The following KIF18A variants were observed in gnomAD, a reference collection of about 807,000 sequenced individuals.
KIF18A encodes the protein kinesin family member 18A, also known as kinesin-like protein KIF18A.
In KIF18A, 67 loss-of-function variants were observed where a neutral mutation model predicts 103.3. The observed-to-expected ratio is 0.65, with a 90% confidence interval of 0.53 to 0.79. KIF18A has a LOEUF of 0.79. KIF18A is among the 30% of genes least tolerant of loss of function. KIF18A has a pLI of 0.00. For missense variants in KIF18A, 1,032 were observed against 1,062.5 expected, an observed-to-expected ratio of 0.97 and a Z score of 0.40; for synonymous variants, 367 against 355.5, an observed-to-expected ratio of 1.03 and a Z score of -0.36.
chr11:28,084,500 C>T, intron 7 of KIF18A, 132 bp downstream of exon 7: 1 of 566,344 alleles, frequency 1.8e-6, no homozygotes, highest in East Asian at 3.3e-5. Context: ...AGCAGGTTAG[C>T]AAAGACCCTT....
At chr11:28,034,586 T>C (rs1850457331) in intron 15 of KIF18A, among the ~76,000 whole-genome samples, 1 of 151,754 alleles carries the variant, frequency 6.6e-6, no homozygotes, top group Admixed American at 6.6e-5. Context: ...TAGCAGCTAC[T>C]TTCAGCTAGG....
chr11:28,096,909 A>G (rs1006882776), intron 2 of KIF18A, among the ~76,000 whole-genome samples: 3 of 151,728 alleles, frequency 2.0e-5, no homozygotes, highest in Non-Finnish European at 2.9e-5. Context: ...AAGGAAATCA[A>G]CATGGCTTTC....
At chr11:28,060,358 C>T (rs1002971810) in intron 12 of KIF18A, among the ~76,000 whole-genome samples, 5 of 152,244 alleles carry the variant, frequency 3.3e-5, no homozygotes, top group South Asian at 2.1e-4. Context: ...AAAGACTAAT[C>T]GGGCATTCAC....
intron 9 of KIF18A, 81 bp downstream of exon 9, chr11:28,082,775 C>T: frequency 5.1e-6 from 4 of 790,722 alleles, no homozygotes; most frequent in Non-Finnish European, 8.1e-6. Context: ...AAAGACATAA[C>T]AAATGATAAT....
Position 28,069,313 on chromosome 11 carries a change from G to A in KIF18A, c.1536C>T (p.Leu512=). ...GTCCCATTTCTTTTTCGACACGATGGAGCCAATTAGTATTCTCATCAAATT... is the reference window on the plus strand; with the variant it reads ...GTCCCATTTCTTTTTCGACACGATGAAGCCAATTAGTATTCTCATCAAATT... ...LKQFDENTNW[L]HRVEKEMGLL... is the part of the protein sequence containing the mutation. The change falls in exon 11 of 17, where the codon CTC becomes CTT. Residue 512 remains leucine, a synonymous_variant. Coordinates refer to ENST00000263181, the MANE Select transcript of KIF18A (RefSeq NM_031217.4). The A allele has an allele frequency of 6.2e-7, 1 of 1,613,394 alleles. No individual in the cohort carries two copies.
At chr11:28,057,254 G>C (rs1590683286) in intron 13 of KIF18A, among the ~76,000 whole-genome samples, 1 of 152,084 alleles carries the variant, frequency 6.6e-6, no homozygotes, top group Non-Finnish European at 1.5e-5. Context: ...GGTGGCTCAC[G>C]CCTGTAATCC....
At chr11:28,071,499 TAA>T (rs1272434591) in intron 10 of KIF18A, among the ~76,000 whole-genome samples, 1 of 149,128 alleles carries the variant, frequency 6.7e-6, no homozygotes, top group Non-Finnish European at 1.5e-5. Context: ...TATATTTTAT[TAA>T]TATAATTTTT....
intron 1 of KIF18A, among the ~76,000 whole-genome samples, chr11:28,099,705 T>A (rs1243198450): frequency 6.6e-6 from 1 of 152,116 alleles, no homozygotes; most frequent in African/African-American, 2.4e-5. Flanking sequence ...AGGAAGCTTT[T>A]CCCCATAGAG....
At chr11:28,061,536 T>C (rs1430275958) in intron 12 of KIF18A, among the ~76,000 whole-genome samples, 3 of 152,108 alleles carry the variant, frequency 2.0e-5, no homozygotes, top group African/African-American at 7.2e-5. Flanking sequence ...TTGTAAGTGG[T>C]TTGAGTGTTA....
intron 15 of KIF18A, among the ~76,000 whole-genome samples, chr11:28,027,209 C>T (rs924115459): frequency 6.6e-6 from 1 of 151,522 alleles, no homozygotes; most frequent in Non-Finnish European, 1.5e-5. Flanking sequence ...AATCACATAG[C>T]AAAGAAAAAG....
intron 7 of KIF18A, among the ~76,000 whole-genome samples, chr11:28,083,768 A>C (rs1419396564): frequency 6.6e-6 from 1 of 152,184 alleles, no homozygotes; most frequent in African/African-American, 2.4e-5. Flanking sequence ...CTAAGAATTC[A>C]TTCCTCAAGG....
chr11:28,044,090 G>A (rs1159743463), intron 13 of KIF18A, among the ~76,000 whole-genome samples: 1 of 151,874 alleles, frequency 6.6e-6, no homozygotes, highest in Non-Finnish European at 1.5e-5. Flanking sequence ...TGGATTCCCA[G>A]ATCTCCCTTA....
At chr11:28,078,126 G>C (rs1032367075) in intron 9 of KIF18A, among the ~76,000 whole-genome samples, 8 of 152,074 alleles carry the variant, frequency 5.3e-5, no homozygotes, top group Non-Finnish European at 1.2e-4. Context: ...TAAAAAAAAT[G>C]TTCTAAACTG....
chr11:28,089,559 C>T (rs1244909660), intron 5 of KIF18A, among the ~76,000 whole-genome samples: 3 of 152,110 alleles, frequency 2.0e-5, no homozygotes, highest in African/African-American at 2.4e-5. Context: ...TAATGTGTTA[C>T]GCCACGACAT....
intron 9 of KIF18A, among the ~76,000 whole-genome samples, chr11:28,082,120 GA>G (rs889751570): frequency 6.6e-6 from 1 of 152,108 alleles, no homozygotes; most frequent in African/African-American, 2.4e-5. Flanking sequence ...GGTTTCTTGA[GA>G]AAGTTTACCA....
At chr11:28,083,335 T>A (rs1316047657) in intron 7 of KIF18A, 92 bp from the exon 8 acceptor site, 1 of 1,323,980 alleles carries the variant, frequency 7.6e-7, no homozygotes, top group Non-Finnish European at 9.9e-7. Flanking sequence ...TTTCATTGAG[T>A]TCCATGAATT....
rs149902733 is a variant in KIF18A, at chr11:28,069,378, G to A, written c.1471C>T (p.Arg491Cys). 1.9e-6 allele frequency: 3 copies of A among 1,613,586 alleles called. No individual in the cohort carries two copies. Among genetic ancestry groups the A allele is most frequent in the East Asian group, 2.2e-5 (1 of 44,838 alleles). Reference protein sequence around the residue: ...DHRLAMLKTRRSYLEKRREEE... With the variant: ...DHRLAMLKTRCSYLEKRREEE... ...TCCCTCCTTTTCTCCAGGTAGGAGCGACGAGTTTTCAACATTGCAAGTCTA... is the reference window on the plus strand; with the variant it reads ...TCCCTCCTTTTCTCCAGGTAGGAGCAACGAGTTTTCAACATTGCAAGTCTA... The change falls in exon 11 of 17, where the codon CGC (arginine) becomes TGC (cysteine). Residue 491 changes from arginine (R) to cysteine (C), a missense_variant. Coordinates refer to ENST00000263181, the MANE Select transcript of KIF18A (RefSeq NM_031217.4).
intron 10 of KIF18A, chr11:28,076,418 T>A (rs1851091747): frequency 6.6e-6 from 1 of 152,232 alleles, no homozygotes; most frequent in Non-Finnish European, 1.5e-5. Flanking sequence ...AACTTCGTGT[T>A]AAAAGTTCCA....
chr11:28,075,016 T>C (rs1304126902), intron 10 of KIF18A, among the ~76,000 whole-genome samples: 4 of 152,224 alleles, frequency 2.6e-5, no homozygotes, highest in African/African-American at 9.6e-5. Context: ...ATTTATCTTA[T>C]ACTGCTTAGA....
Sources: allele counts gnomAD v4.1 joint callset (sites outside exome capture counted in the v4.1 genomes callset), GRCh38; gene constraint gnomAD v4.1.1; transcripts MANE v1.5; gene names NCBI Gene and HGNC (gene_info 2026-07-23, HGNC 2026-07-21).